CASZ1: variants seen among roughly 807,000 people sequenced by gnomAD.
CASZ1 encodes zinc finger protein castor homolog 1.
In CASZ1, 28 loss-of-function variants were observed where a neutral mutation model predicts 135.2. The observed-to-expected ratio is 0.21, with a 90% CI of 0.15 to 0.28. The LOEUF (loss-of-function observed/expected upper bound fraction) is 0.28, where lower values mean the gene tolerates loss of function less well. Among genes scored for constraint, CASZ1 ranks in the 10% least tolerant of loss-of-function variants. The pLI is 1.00. For missense variants in CASZ1, 2,161 were observed against 2,453.3 expected, an observed-to-expected ratio of 0.88 and a Z score of 2.52; for synonymous variants, 1,068 against 1,073.4, an observed-to-expected ratio of 0.99 and a Z score of 0.10.
Position 10,639,156 on chromosome 1 carries a change from G to A in CASZ1, c.5066C>T (p.Ala1689Val). 6 of 1,077,852 alleles carry A rather than the reference G, an allele frequency of 5.6e-6. No individual in the cohort carries two copies. Among genetic ancestry groups the A allele is most frequent in the Non-Finnish European group, 6.8e-6 (6 of 876,718 alleles). The allele number at this position is 1,077,852 out of a possible 1,614,324, so 66.8% of individuals were successfully genotyped here. A position where few individuals can be genotyped will look rare whatever the true frequency, so the allele number is the denominator to read the frequency against. Residue 1689 changes from alanine to valine, a missense_variant, in exon 21 of 21, where the codon GCC becomes GTC. By Grantham distance (64) the Ala-to-Val change is moderately conservative. Coordinates refer to ENST00000377022, the MANE Select transcript of CASZ1 (RefSeq NM_001079843.3). This position sits in a 1 kb window ranked among gnomAD's most constrained non-coding sequence, Gnocchi z 4.0. ...EEELELPEEE[A>V]EDDEDEDDDE... ...GTCGTCCTCGTCCTCGTCGTCTTCG[G>A]CCTCCTCCTCCGGCAGCTCCAGCTC...
At position 10,658,546 on chromosome 1, in the gene CASZ1, G is replaced by A. The variant is rs1020656242; in HGVS notation, c.1371C>T (p.Val457=). ...TCTGGTAAATGTTTACATCTTCAGT[G>A]ACGGCTGGTTTATCTGTGGGCAGTC... ...KNGLPTDKPA[V]TEDVNIYQKY... Residue 457 remains valine, a synonymous_variant, in exon 7 of 21, where the codon GTC becomes GTT. Coordinates refer to ENST00000377022, the MANE Select transcript of CASZ1 (RefSeq NM_001079843.3). The A allele has an allele frequency of 6.2e-7, 1 of 1,614,120 alleles. No homozygotes were observed. Among genetic ancestry groups the A allele is most frequent in the Admixed American group, 1.7e-5 (1 of 60,032 alleles).
chr1:10,662,376 C>T (rs913704256), intron 5 of CASZ1, among the ~76,000 whole-genome samples: 1 of 151,878 alleles, frequency 6.6e-6, no homozygotes, highest in African/African-American at 2.4e-5. Flanking sequence ...CATTCTCATA[C>T]TTTCACACCC....
At chr1:10,703,696 G>A (rs1327975671) in intron 3 of CASZ1, among the ~76,000 whole-genome samples, 2 of 152,122 alleles carry the variant, frequency 1.3e-5, no homozygotes, top group African/African-American at 4.8e-5. Context: ...CTAAAGTGCA[G>A]GAGCTAAAAC....
In CASZ1 at chr1:10,706,039, T is replaced by C. The variant is rs1422293465; in HGVS notation, c.-76-495A>G. Among the ~76,000 whole-genome samples, 2 of 152,190 alleles carry C rather than the reference T, an allele frequency of 1.3e-5. No individual in the cohort carries two copies. The highest frequency in any genetic ancestry group is 2.9e-5 in the Non-Finnish European group (2 of 68,018). On this transcript the variant is annotated intron_variant, in intron 2 of 20. Coordinates refer to ENST00000377022, the MANE Select transcript of CASZ1 (RefSeq NM_001079843.3). This position sits in a 1 kb window ranked among gnomAD's most constrained non-coding sequence, Gnocchi z 4.3. The stretch of plus-strand genomic sequence containing the variant: ...ATGCCAAACTGTTCGCTCTAGCAAG[T>C]TGGTGACAGAGGGGCAAGGGCGGGC...
chr1:10,764,100 T>C (rs1490940724), intron 1 of CASZ1, among the ~76,000 whole-genome samples: 1 of 152,230 alleles, frequency 6.6e-6, no homozygotes, highest in East Asian at 1.9e-4. Context: ...TGACCTCAGG[T>C]GATCGGCCTG....
At chr1:10,791,744 GGAGA>G (rs34741257) in intron 1 of CASZ1, among the ~76,000 whole-genome samples, 99,457 of 151,188 alleles carry the variant, frequency 0.66, 34,449 homozygotes, top group Middle Eastern at 0.82. Flanking sequence ...AAAAAGAGGG[GGAGA>G]GAGAGAGAGA....
intron 2 of CASZ1, among the ~76,000 whole-genome samples, chr1:10,731,393 G>C (rs1056857856): frequency 6.6e-6 from 1 of 151,970 alleles, no homozygotes; most frequent in Non-Finnish European, 1.5e-5. Context: ...GACCAGCCTG[G>C]GAAACACAGT....
At chr1:10,738,239 C>A (rs376663821) in intron 2 of CASZ1, among the ~76,000 whole-genome samples, 1 of 152,208 alleles carries the variant, frequency 6.6e-6, no homozygotes, top group Non-Finnish European at 1.5e-5. Context: ...ACCAGAGACC[C>A]AAGGGAACAG....
chr1:10,787,684 C>T (rs1640883764), intron 1 of CASZ1, among the ~76,000 whole-genome samples: 1 of 152,154 alleles, frequency 6.6e-6, no homozygotes, highest in African/African-American at 2.4e-5. Context: ...CACACGCTCA[C>T]CCACCCAGAG....
In CASZ1 at chr1:10,759,137, G is replaced by C. The variant is rs1454032475; in HGVS notation, c.-77+1564C>G. Among the ~76,000 whole-genome samples, 1 of 152,238 alleles carries C rather than the reference G, an allele frequency of 6.6e-6. No individual in the cohort carries two copies. Among genetic ancestry groups the C allele is most frequent in the Non-Finnish European group, 1.5e-5 (1 of 68,042 alleles). ...AGCAGGCAAACATTACCCTCTCAGA[G>C]GGGAGGGGGCTCTGCAGGCACTCAC... On this transcript the variant is annotated intron_variant, in intron 2 of 20. Coordinates refer to ENST00000377022, the MANE Select transcript of CASZ1 (RefSeq NM_001079843.3). The surrounding 1 kb of genome is among the most constrained non-coding windows in gnomAD (Gnocchi z 4.2).
At chr1:10,732,535 G>A (rs1322793117) in intron 2 of CASZ1, among the ~76,000 whole-genome samples, 2 of 152,122 alleles carry the variant, frequency 1.3e-5, no homozygotes, top group East Asian at 3.9e-4. Context: ...TGGCCTTAGA[G>A]GTGGTGTGGG....
chr1:10,753,437 C>A (rs1395799132), intron 2 of CASZ1, among the ~76,000 whole-genome samples: 1 of 152,246 alleles, frequency 6.6e-6, no homozygotes, highest in East Asian at 1.9e-4. Context: ...CTGCACCCCG[C>A]AAAGTCACCT....
At chr1:10,785,753 C>T (rs1640847482) in intron 1 of CASZ1, among the ~76,000 whole-genome samples, 1 of 152,240 alleles carries the variant, frequency 6.6e-6, no homozygotes, top group Non-Finnish European at 1.5e-5. Flanking sequence ...TGAGCTCAGG[C>T]CAAGACCCAA....
At chr1:10,796,262 C>T (rs1641069092) in intron 1 of CASZ1, among the ~76,000 whole-genome samples, 1 of 152,142 alleles carries the variant, frequency 6.6e-6, no homozygotes. Flanking sequence ...GCCCTCCCCT[C>T]CCCCGGAGCC....
In CASZ1 at chr1:10,722,444, G is replaced by GAACAAGGGGA. The variant is rs547326666; in HGVS notation, c.-76-16901_-76-16900insTCCCCTTGTT. On this transcript the variant is annotated intron_variant, in intron 2 of 20. Coordinates refer to ENST00000377022, the MANE Select transcript of CASZ1 (RefSeq NM_001079843.3). ...GCCAGCGAACAAGGGGAGCCTACAG[G>GAACAAGGGGA]GCACGGACTTAGGGACCGAGTACCT... Among the ~76,000 whole-genome samples, 154 of 152,346 alleles carry GAACAAGGGGA rather than the reference G, an allele frequency of 1.0e-3. 1 individual carries two copies. The highest frequency in any genetic ancestry group is 3.5e-3 in the African/African-American group (146 of 41,570).
At chr1:10,740,831 A>G (rs2100530785) in intron 2 of CASZ1, among the ~76,000 whole-genome samples, 1 of 151,762 alleles carries the variant, frequency 6.6e-6, no homozygotes. Flanking sequence ...GGTGGCGCAC[A>G]CCTGTAGTTC....
chr1:10,687,912 A>C (rs1264753813), intron 4 of CASZ1, among the ~76,000 whole-genome samples: 1 of 152,218 alleles, frequency 6.6e-6, no homozygotes, highest in Non-Finnish European at 1.5e-5. Context: ...CAGGCTCTAG[A>C]AAGCTCTCAA....
Position 10,647,777 on chromosome 1 carries a change from C to A in CASZ1, c.3497+24G>T, listed in dbSNP as rs531305219. 1 of 1,612,612 alleles carries A rather than the reference C, an allele frequency of 6.2e-7. No homozygotes were observed. Among genetic ancestry groups the A allele is most frequent in the African/African-American group, 1.3e-5 (1 of 75,056 alleles). On this transcript the variant is annotated intron_variant, in intron 16 of 20. Coordinates refer to ENST00000377022, the MANE Select transcript of CASZ1 (RefSeq NM_001079843.3). This position sits in a 1 kb window ranked among gnomAD's most constrained non-coding sequence, Gnocchi z 4.9. The stretch of plus-strand genomic sequence containing the variant: ...CCCGAGACGCGAGGGGAACGCGGGA[C>A]TCCCGGCTCATCGAGGGACTCACTT...
At chr1:10,789,503 C>A (rs1372816110) in intron 1 of CASZ1, among the ~76,000 whole-genome samples, 1 of 151,826 alleles carries the variant, frequency 6.6e-6, no homozygotes, top group Admixed American at 6.6e-5. Context: ...ATAATGAGTT[C>A]CGAAGGAGCG....
Sources: gnomAD v4.1 joint callset for allele counts (sites outside exome capture counted in the v4.1 genomes callset) on GRCh38, gnomAD v4.1.1 for gene constraint, Gnocchi (gnomAD v3.1) non-coding constraint, MANE v1.5 for transcripts, NCBI Gene and HGNC (gene_info 2026-07-23, HGNC 2026-07-21) for gene names.